ZNF804A: variants seen among roughly 807,000 people sequenced by gnomAD.
ZNF804A encodes zinc finger protein 804A.
ZNF804A carries 2 observed loss-of-function variants against 16.5 expected under a neutral mutation model. The observed-to-expected ratio is 0.12, with a 90% confidence interval of 0.05 to 0.38. The LOEUF (loss-of-function observed/expected upper bound fraction) is 0.38, where lower values mean the gene tolerates loss of function less well. Among genes scored for constraint, ZNF804A ranks in the 10% least tolerant of loss-of-function variants. ZNF804A has a pLI of 0.99. For synonymous variants in ZNF804A, 534 were observed against 489.6 expected (o/e 1.09, Z -1.20); for missense variants, 1,473 against 1,390.7 (o/e 1.06, Z -0.94).
chr2:184,930,594 G>A (rs185459347), intron 2 of ZNF804A, among the ~76,000 whole-genome samples: 2 of 152,242 alleles, frequency 1.3e-5, no homozygotes, highest in African/African-American at 4.8e-5. Flanking sequence ...TGTCATTTGA[G>A]CTACCTCATG....
At chr2:184,884,898 A>G (rs966390285) in intron 2 of ZNF804A, among the ~76,000 whole-genome samples, 4 of 152,186 alleles carry the variant, frequency 2.6e-5, no homozygotes, top group African/African-American at 9.7e-5. Context: ...AATTGTCAAC[A>G]AAGAAACAGA....
chr2:184,824,104 C>T (rs993765967), intron 1 of ZNF804A, among the ~76,000 whole-genome samples: 5 of 152,050 alleles, frequency 3.3e-5, no homozygotes, highest in South Asian at 2.1e-4. Context: ...CAGAATTTCC[C>T]TCACTCTGTG....
chr2:184,894,778 C>A (rs1402886326), intron 2 of ZNF804A, among the ~76,000 whole-genome samples: 1 of 152,034 alleles, frequency 6.6e-6, no homozygotes, highest in Non-Finnish European at 1.5e-5. Flanking sequence ...CTTCGCCTCC[C>A]AGGTTCACGC....
At chr2:184,804,950 AT>A (rs1343181872) in intron 1 of ZNF804A, among the ~76,000 whole-genome samples, 1 of 152,156 alleles carries the variant, frequency 6.6e-6, no homozygotes, top group Non-Finnish European at 1.5e-5. Context: ...TTAAAATCAT[AT>A]TTCTATGTAT....
At chr2:184,879,240 T>C (rs531114426) in intron 2 of ZNF804A, among the ~76,000 whole-genome samples, 6 of 152,172 alleles carry the variant, frequency 3.9e-5, no homozygotes, top group Admixed American at 3.3e-4. Flanking sequence ...GAAAATACTA[T>C]AAATAATTGA....
At chr2:184,710,368 A>T (rs1213372610) in intron 1 of ZNF804A, among the ~76,000 whole-genome samples, 1 of 151,622 alleles carries the variant, frequency 6.6e-6, no homozygotes, top group African/African-American at 2.4e-5. Flanking sequence ...TCACTGTTGA[A>T]TTGTTTGCTT....
intron 1 of ZNF804A, among the ~76,000 whole-genome samples, chr2:184,769,767 G>T (rs115324843): frequency 6.4e-4 from 98 of 151,958 alleles, no homozygotes; most frequent in African/African-American, 2.1e-3. Context: ...TAGAAATAAG[G>T]GTACATAGTT....
chr2:184,924,719 T>C (rs942177525), intron 2 of ZNF804A, among the ~76,000 whole-genome samples: 6 of 151,874 alleles, frequency 4.0e-5, no homozygotes, highest in African/African-American at 1.4e-4. Flanking sequence ...TTGTATCCCA[T>C]AGATTTTTGT....
chr2:184,660,332 A>G (rs942579771), intron 1 of ZNF804A, among the ~76,000 whole-genome samples: 1 of 152,226 alleles, frequency 6.6e-6, no homozygotes, highest in East Asian at 1.9e-4. Context: ...TTTTAAAGAA[A>G]CTATGAAATA....
intron 1 of ZNF804A, among the ~76,000 whole-genome samples, chr2:184,788,546 C>G (rs1418489308): frequency 2.0e-5 from 3 of 151,868 alleles, no homozygotes; most frequent in African/African-American, 7.2e-5. Context: ...AGATATCGTT[C>G]ATCTCCTTTG....
At chr2:184,774,652 T>C (rs1364762183) in intron 1 of ZNF804A, among the ~76,000 whole-genome samples, 1 of 151,820 alleles carries the variant, frequency 6.6e-6, no homozygotes, top group Non-Finnish European at 1.5e-5. Flanking sequence ...CAGCAGTTGA[T>C]GAAGCTTTTT....
chr2:184,877,036 C>A (rs373752485), intron 2 of ZNF804A, among the ~76,000 whole-genome samples: 1 of 151,968 alleles, frequency 6.6e-6, no homozygotes, highest in East Asian at 1.9e-4. Flanking sequence ...TATAAGAAAG[C>A]CAATTAGAGT....
In ZNF804A at chr2:184,900,986, G is replaced by C. The variant is rs1487568616; in HGVS notation, c.256-32617G>C. Among the ~76,000 whole-genome samples, 4 of 152,238 alleles carry C rather than the reference G, an allele frequency of 2.6e-5. No homozygotes were observed. In the East Asian group the frequency reaches 7.7e-4, roughly 29 times the overall value. On this transcript the variant is annotated intron_variant, in intron 2 of 3. Transcript: ENST00000302277. ...GGCCAAAGGATGCTGTTCTTGTAGA[G>C]ATTATTTATTATTTATCTCCATATG...
intron 1 of ZNF804A, among the ~76,000 whole-genome samples, chr2:184,680,540 G>A (rs1032002893): frequency 6.6e-6 from 1 of 152,244 alleles, no homozygotes; most frequent in Non-Finnish European, 1.5e-5. Context: ...AGAAAAGACT[G>A]TGCATCTCTT....
intron 1 of ZNF804A, among the ~76,000 whole-genome samples, chr2:184,864,214 G>T (rs1378799387): frequency 1.3e-5 from 2 of 152,116 alleles, no homozygotes; most frequent in African/African-American, 4.8e-5. Context: ...AGGGGAGCTG[G>T]TGGGTGCAGA....
chr2:184,721,466 A>G (rs1324684703), intron 1 of ZNF804A, among the ~76,000 whole-genome samples: 1 of 152,144 alleles, frequency 6.6e-6, no homozygotes, highest in African/African-American at 2.4e-5. Context: ...AACGTCCAAC[A>G]GGTATATAAA....
chr2:184,925,959 T>C (rs1032774568), intron 2 of ZNF804A, among the ~76,000 whole-genome samples: 2 of 152,020 alleles, frequency 1.3e-5, no homozygotes, highest in African/African-American at 4.8e-5. Context: ...CTATCTTATG[T>C]ATATCTTTAA....
chr2:184,821,700 T>C (rs1695088916), intron 1 of ZNF804A, among the ~76,000 whole-genome samples: 1 of 152,036 alleles, frequency 6.6e-6, no homozygotes, highest in African/African-American at 2.4e-5. Flanking sequence ...TACAAGGAAC[T>C]TAAACAGATT....
At chr2:184,905,684 A>G (rs1685261223) in intron 2 of ZNF804A, among the ~76,000 whole-genome samples, 1 of 152,180 alleles carries the variant, frequency 6.6e-6, no homozygotes, top group African/African-American at 2.4e-5. Context: ...AAAATGGCAT[A>G]GAGACTCTGT....
Sources: gnomAD v4.1 joint callset for allele counts (sites outside exome capture counted in the v4.1 genomes callset) on GRCh38, gnomAD v4.1.1 for gene constraint, MANE v1.5 for transcripts, NCBI Gene and HGNC (gene_info 2026-07-23, HGNC 2026-07-21) for gene names.